CYTH1: variants seen among roughly 807,000 people sequenced by gnomAD.
CYTH1 encodes cytohesin 1.
Under a neutral mutation model 61.8 loss-of-function variants are expected in CYTH1, and 18 were observed. That is an observed-to-expected ratio of 0.29 (90% confidence interval 0.20 to 0.43). The LOEUF (loss-of-function observed/expected upper bound fraction) is 0.43, where lower values mean the gene tolerates loss of function less well. Among genes scored for constraint, CYTH1 ranks in the 20% least tolerant of loss-of-function variants. The pLI is 1.00. For synonymous variants in CYTH1, 174 were observed against 184.3 expected (o/e 0.94, Z 0.45); for missense variants, 336 against 510.5 (o/e 0.66, Z 3.29).
At chr17:78,699,518 G>A (rs1229825788) in intron 7 of CYTH1, among the ~76,000 whole-genome samples, 1 of 152,160 alleles carries the variant, frequency 6.6e-6, no homozygotes, top group Non-Finnish European at 1.5e-5. Flanking sequence ...GATTGGAAAG[G>A]AGAATACACA....
chr17:78,751,919 A>G (rs1397699291), intron 1 of CYTH1, among the ~76,000 whole-genome samples: 1 of 152,128 alleles, frequency 6.6e-6, no homozygotes, highest in Admixed American at 6.6e-5. Context: ...TATTTTTAGT[A>G]GAGACAGGGT....
intron 1 of CYTH1, among the ~76,000 whole-genome samples, chr17:78,774,483 G>A (rs2093483545): frequency 6.6e-6 from 1 of 152,012 alleles, no homozygotes; most frequent in Non-Finnish European, 1.5e-5. Flanking sequence ...GGAGAGTTGA[G>A]GAAAAAAACT....
intron 1 of CYTH1, among the ~76,000 whole-genome samples, chr17:78,756,608 A>G (rs1372067907): frequency 1.3e-5 from 2 of 152,160 alleles, no homozygotes; most frequent in Non-Finnish European, 2.9e-5. Flanking sequence ...ACCCCATCTA[A>G]AAAACAAAAA....
intron 1 of CYTH1, among the ~76,000 whole-genome samples, chr17:78,764,974 A>AG (rs1254980498): frequency 6.6e-6 from 1 of 151,888 alleles, no homozygotes; most frequent in African/African-American, 2.4e-5. Flanking sequence ...AGCAGAGAGG[A>AG]GGGGGGCACT....
At chr17:78,769,061 A>C (rs553671628) in intron 1 of CYTH1, among the ~76,000 whole-genome samples, 16 of 151,946 alleles carry the variant, frequency 1.1e-4, no homozygotes, top group Admixed American at 3.9e-4. Context: ...CACGAGAATC[A>C]CTTGAACCCA....
chr17:78,699,078 T>C, intron 7 of CYTH1, 110 bp from the exon 8 acceptor site: 6 of 1,380,102 alleles, frequency 4.3e-6, no homozygotes, highest in Non-Finnish European at 6.0e-6. Context: ...TAAAAAACCA[T>C]GTTCTCGGCC....
chr17:78,775,371 A>G (rs974922912), intron 1 of CYTH1, among the ~76,000 whole-genome samples: 1 of 152,148 alleles, frequency 6.6e-6, no homozygotes, highest in African/African-American at 2.4e-5. Context: ...CCTTCCCTCA[A>G]AGGCCAAAGC....
At chr17:78,682,636 TCA>T (rs1224626169) in intron 11 of CYTH1, among the ~76,000 whole-genome samples, 1 of 152,240 alleles carries the variant, frequency 6.6e-6, no homozygotes. Context: ...TATTGGACCC[TCA>T]CACCTGGCTG....
rs183191493 is a variant in CYTH1 at position 78,757,702 on chromosome 17, G to A, written c.22+24500C>T. 6.3e-4 allele frequency among the ~76,000 whole-genome samples: 96 copies of A among 152,026 alleles called. 1 individual carries two copies. The East Asian group carries it at 0.016, about 25-fold the overall frequency. Reference sequence around the variant, plus strand: ...TCTCAGCACTTTGGGAGGCTGAGGCGGGCAGACTGCCTGAGGTCAGGAGTT... The same window carrying A: ...TCTCAGCACTTTGGGAGGCTGAGGCAGGCAGACTGCCTGAGGTCAGGAGTT... On this transcript the variant is annotated intron_variant, in intron 1 of 13. Coordinates refer to ENST00000446868, the MANE Select transcript of CYTH1 (RefSeq NM_004762.6).
At chr17:78,766,766 T>C (rs777054985) in intron 1 of CYTH1, among the ~76,000 whole-genome samples, 2 of 151,722 alleles carry the variant, frequency 1.3e-5, no homozygotes, top group Non-Finnish European at 2.9e-5. Context: ...GAAAAAACAA[T>C]GAAAAGACAT....
At chr17:78,726,376 C>CGAGGCCCCCTGTCAGTTACTGTGGAA (rs576587646) in intron 1 of CYTH1, among the ~76,000 whole-genome samples, 6 of 152,014 alleles carry the variant, frequency 3.9e-5, no homozygotes, top group African/African-American at 1.2e-4. Context: ...TGCATGGAAA[C>CGAGGCCCCCTGTCAGTTACTGTGGAA]GAGGCCCCCT....
chr17:78,727,829 C>A (rs150113080), intron 1 of CYTH1: 4 of 403,976 alleles, frequency 9.9e-6, no homozygotes, highest in Non-Finnish European at 1.6e-5. Flanking sequence ...GGGGGCAGAA[C>A]TGTAGGAGGA....
chr17:78,680,720 C>A (rs1249411294), intron 12 of CYTH1, among the ~76,000 whole-genome samples: 1 of 152,216 alleles, frequency 6.6e-6, no homozygotes, highest in Non-Finnish European at 1.5e-5. Flanking sequence ...TGCGTGCTTG[C>A]CGCTGCCATT....
chr17:78,716,776 AT>A (rs2093184498), intron 1 of CYTH1, among the ~76,000 whole-genome samples: 1 of 152,216 alleles, frequency 6.6e-6, no homozygotes, highest in African/African-American at 2.4e-5. Flanking sequence ...CAAAAACAAA[AT>A]GCTTAATTTC....
At position 78,738,081 on chromosome 17, in the gene CYTH1, A is replaced by G. The variant is rs9912791; in HGVS notation, c.23-28349T>C. Among the ~76,000 whole-genome samples, 675 of 152,286 alleles carry G rather than the reference A, an allele frequency of 4.4e-3. 9 individuals carry two copies. Among genetic ancestry groups the G allele is most frequent in the African/African-American group, 0.015 (642 of 41,554 alleles). ...TCTACGTATCTCAATACACGTGTGC[A>G]CACGTTTCGGCACATCTCTTTAATT... is the stretch of plus-strand genomic sequence containing the variant. On this transcript the variant is annotated intron_variant, in intron 1 of 13. Coordinates refer to ENST00000446868, the MANE Select transcript of CYTH1 (RefSeq NM_004762.6).
At chr17:78,766,127 C>A (rs1177928108) in intron 1 of CYTH1, among the ~76,000 whole-genome samples, 2 of 147,382 alleles carry the variant, frequency 1.4e-5, no homozygotes, top group East Asian at 4.0e-4. Context: ...CCTCCTCTAG[C>A]AGGAGACAAA....
chr17:78,696,054 A>C (rs1264805415), intron 9 of CYTH1, 45 bp from the exon 10 acceptor site: 2 of 1,367,640 alleles, frequency 1.5e-6, no homozygotes. Flanking sequence ...TCATGGAAAC[A>C]TACAAATGAG....
At chr17:78,676,414 A>G (rs931186475) in intron 13 of CYTH1, 18 of 529,732 alleles carry the variant, frequency 3.4e-5, no homozygotes, top group Non-Finnish European at 6.7e-6. Context: ...CTGTTTCAAC[A>G]TAATAATCAA....
intron 1 of CYTH1, among the ~76,000 whole-genome samples, chr17:78,758,617 T>C (rs1359813951): frequency 6.6e-6 from 1 of 152,018 alleles, no homozygotes; most frequent in African/African-American, 2.4e-5. Context: ...GGCAAGAGAA[T>C]TGCTTGAACC....
Sources: allele counts gnomAD v4.1 joint callset (sites outside exome capture counted in the v4.1 genomes callset), GRCh38; gene constraint gnomAD v4.1.1; transcripts MANE v1.5; gene names NCBI Gene and HGNC (gene_info 2026-07-23, HGNC 2026-07-21).